ZNF385D: variants seen among roughly 807,000 people sequenced by gnomAD.
ZNF385D encodes zinc finger protein 385D, also known as zinc finger protein 659.
Under a neutral mutation model 35.8 loss-of-function variants are expected in ZNF385D, and 15 were observed. The observed-to-expected ratio is 0.42, with a 90% confidence interval of 0.28 to 0.64. ZNF385D has a LOEUF of 0.64. Ranked by LOEUF, ZNF385D falls within the 30% of genes least tolerant of loss-of-function variation. The pLI is 0.23. For missense variants in ZNF385D, 474 were observed against 494.6 expected (o/e 0.96, Z 0.39); for synonymous variants, 212 against 186.8 (o/e 1.13, Z -1.10).
intron 4 of ZNF385D, among the ~76,000 whole-genome samples, chr3:21,481,561 G>A (rs903396259): frequency 3.3e-5 from 5 of 151,990 alleles, no homozygotes; most frequent in Admixed American, 2.0e-4. Context: ...ACAGGGTCTC[G>A]CTCTGTCATC....
intron 1 of ZNF385D, among the ~76,000 whole-genome samples, chr3:21,716,227 C>T (rs547482868): frequency 6.6e-6 from 1 of 152,080 alleles, no homozygotes; most frequent in South Asian, 2.1e-4. Context: ...CTTCCCTTGT[C>T]CATATTCAAG....
chr3:22,313,954 G>C (rs983115231), intron 2 of ZNF385D, among the ~76,000 whole-genome samples: 2 of 151,968 alleles, frequency 1.3e-5, no homozygotes, highest in Admixed American at 6.6e-5. Context: ...CTATTGCTTT[G>C]GGTATGAAGC....
chr3:21,672,288 C>T (rs1212623226), intron 1 of ZNF385D, among the ~76,000 whole-genome samples: 1 of 151,072 alleles, frequency 6.6e-6, no homozygotes, highest in Non-Finnish European at 1.5e-5. Context: ...CCGCCCCTCT[C>T]CTCTGTTTTG....
chr3:21,652,437 G>A (rs2065944394), intron 2 of ZNF385D, among the ~76,000 whole-genome samples: 1 of 151,842 alleles, frequency 6.6e-6, no homozygotes. Flanking sequence ...AATGATATAG[G>A]TAGCAAATAT....
chr3:21,941,781 G>A (rs1409263826), intron 3 of ZNF385D, among the ~76,000 whole-genome samples: 3 of 149,896 alleles, frequency 2.0e-5, no homozygotes, highest in Non-Finnish European at 3.0e-5. Context: ...ACAGGGGTGA[G>A]CCACCATGCC....
At chr3:22,185,291 A>T (rs931849704) in intron 2 of ZNF385D, among the ~76,000 whole-genome samples, 1 of 152,176 alleles carries the variant, frequency 6.6e-6, no homozygotes, top group Non-Finnish European at 1.5e-5. Context: ...AAATGTTTAG[A>T]TATAATATTG....
chr3:21,964,711 C>A (rs987309574), intron 3 of ZNF385D, among the ~76,000 whole-genome samples: 2 of 151,254 alleles, frequency 1.3e-5, no homozygotes, highest in Admixed American at 6.6e-5. Flanking sequence ...AGGCTGGTCT[C>A]GAACTCCTGA....
intron 2 of ZNF385D, among the ~76,000 whole-genome samples, chr3:22,272,732 T>G (rs9819990): frequency 6.6e-6 from 1 of 152,004 alleles, no homozygotes; most frequent in South Asian, 2.1e-4. Context: ...TTAGACTGTA[T>G]GTAAATAATT....
At chr3:21,683,535 T>C (rs1408499086) in intron 1 of ZNF385D, among the ~76,000 whole-genome samples, 1 of 149,196 alleles carries the variant, frequency 6.7e-6, no homozygotes, top group African/African-American at 2.5e-5. Flanking sequence ...GAGAATTGCT[T>C]GAACCTGGGA....
chr3:21,578,036 A>T (rs1384684520), intron 2 of ZNF385D, among the ~76,000 whole-genome samples: 2 of 151,852 alleles, frequency 1.3e-5, no homozygotes, highest in African/African-American at 4.8e-5. Flanking sequence ...GATGACCTCA[A>T]ACTCCTGGGC....
At chr3:21,620,566 C>T (rs1019261219) in intron 2 of ZNF385D, among the ~76,000 whole-genome samples, 1 of 152,140 alleles carries the variant, frequency 6.6e-6, no homozygotes, top group African/African-American at 2.4e-5. Flanking sequence ...TCCTTTAGCA[C>T]GTCAGCCTGT....
intron 4 of ZNF385D, among the ~76,000 whole-genome samples, chr3:21,461,832 A>G (rs1044685649): frequency 6.6e-6 from 1 of 152,222 alleles, no homozygotes; most frequent in African/African-American, 2.4e-5. Flanking sequence ...GATGGCTACA[A>G]ATGTCCAGCA....
At chr3:21,587,728 C>G (rs2063852662) in intron 2 of ZNF385D, among the ~76,000 whole-genome samples, 1 of 151,264 alleles carries the variant, frequency 6.6e-6, no homozygotes, top group African/African-American at 2.5e-5. Context: ...ATGTAACAGA[C>G]TTTGAGTAAC....
At chr3:22,123,986 A>ATATATATATATATATATATATATG (rs753742081) in intron 3 of ZNF385D, among the ~76,000 whole-genome samples, 9 of 122,364 alleles carry the variant, frequency 7.4e-5, no homozygotes, top group Non-Finnish European at 1.2e-4. Flanking sequence ...ATATATATAT[A>ATATATATATATATATATATATATG]TATTGCTGAC....
At chr3:22,075,246 C>T (rs891720330) in intron 3 of ZNF385D, among the ~76,000 whole-genome samples, 2 of 151,834 alleles carry the variant, frequency 1.3e-5, no homozygotes, top group Non-Finnish European at 2.9e-5. Context: ...TTATTCCCTT[C>T]AGTTTAGATG....
chr3:21,914,466 A>C (rs1385267831), intron 3 of ZNF385D, among the ~76,000 whole-genome samples: 1 of 149,012 alleles, frequency 6.7e-6, no homozygotes, highest in Non-Finnish European at 1.5e-5. Flanking sequence ...TTCTCATTTG[A>C]TTGTGTTCCT....
chr3:22,364,303 T>C (rs1423240974), intron 2 of ZNF385D, among the ~76,000 whole-genome samples: 1 of 151,970 alleles, frequency 6.6e-6, no homozygotes, highest in Non-Finnish European at 1.5e-5. Context: ...AAAGGCCATA[T>C]CAACAAAGTA....
chr3:22,123,964 A>C (rs201722483), intron 3 of ZNF385D, among the ~76,000 whole-genome samples: 4,886 of 54,596 alleles, frequency 0.089, 88 homozygotes, highest in African/African-American at 0.15. Flanking sequence ...CTCTCTCTCT[A>C]TATATATATA....
At chr3:22,349,676 T>G (rs1181945902) in intron 2 of ZNF385D, among the ~76,000 whole-genome samples, 2 of 152,192 alleles carry the variant, frequency 1.3e-5, no homozygotes. Flanking sequence ...CAAGGATGTG[T>G]GACAGATAAT....
Sources: allele counts gnomAD v4.1 joint callset (sites outside exome capture counted in the v4.1 genomes callset), GRCh38; gene constraint gnomAD v4.1.1; transcripts MANE v1.5; gene names NCBI Gene and HGNC (gene_info 2026-07-23, HGNC 2026-07-21).